HK1: variants seen among roughly 807,000 people sequenced by gnomAD.
HK1 encodes the protein hexokinase 1.
Under a neutral mutation model 91.6 loss-of-function variants are expected in HK1, and 28 were observed. The ratio of observed to expected loss-of-function variants is 0.31; its 90% CI spans 0.23 to 0.42. HK1 has a LOEUF of 0.42. HK1 is among the 10% of genes least tolerant of loss of function. The pLI is 1.00. For missense variants in HK1, 770 were observed against 1,219.8 expected (o/e 0.63, Z 5.49); for synonymous variants, 430 against 468.1 (o/e 0.92, Z 1.05).
chr10:69,277,910 G>A (rs1470866888), intron 1 of HK1, among the ~76,000 whole-genome samples: 2 of 152,268 alleles, frequency 1.3e-5, no homozygotes, highest in East Asian at 1.9e-4. Context: ...GCAGGCGCCT[G>A]TAATCCCAGC....
At chr10:69,387,901 C>T (rs1177604950) in intron 13 of HK1, among the ~76,000 whole-genome samples, 6 of 151,048 alleles carry the variant, frequency 4.0e-5, no homozygotes, top group Non-Finnish European at 5.9e-5. Context: ...TTTTCAAATC[C>T]CATTACACTG....
chr10:69,355,901 A>G lies in HK1; in HGVS notation c.227-3996A>G, dbSNP rs138448729. ...GAGGGAAAGAATAGTCTTTTCAGCAAATGGTGCTGGGACACTGGATATCCA... is the reference window on the plus strand; with the variant it reads ...GAGGGAAAGAATAGTCTTTTCAGCAGATGGTGCTGGGACACTGGATATCCA... On this transcript the variant is annotated intron_variant, in intron 2 of 17. Coordinates refer to ENST00000359426, the MANE Select transcript of HK1 (RefSeq NM_000188.3). Among the ~76,000 whole-genome samples, 487 of 152,310 alleles carry G rather than the reference A, an allele frequency of 3.2e-3. 3 individuals carry two copies. Among genetic ancestry groups the G allele is most frequent in the African/African-American group, 0.011 (468 of 41,578 alleles).
chr10:69,309,041 G>A (rs1005248151), intron 5 of HK1, among the ~76,000 whole-genome samples: 8 of 152,176 alleles, frequency 5.3e-5, no homozygotes, highest in African/African-American at 1.9e-4. Flanking sequence ...TGGCATGGTG[G>A]CTCATGACTG....
intron 9 of HK1, among the ~76,000 whole-genome samples, chr10:69,381,966 G>A (rs1026177526): frequency 3.4e-4 from 51 of 152,224 alleles, no homozygotes; most frequent in African/African-American, 1.2e-3. Flanking sequence ...TGATACTCAT[G>A]TAATAATGAG....
chr10:69,375,720 C>T (rs1007535224), intron 7 of HK1, among the ~76,000 whole-genome samples: 6 of 152,200 alleles, frequency 3.9e-5, no homozygotes, highest in South Asian at 2.1e-4. Flanking sequence ...CTCTGATGTG[C>T]GCCCACCTCT....
At chr10:69,389,991 C>T (rs1042190313) in intron 14 of HK1, among the ~76,000 whole-genome samples, 1 of 152,200 alleles carries the variant, frequency 6.6e-6, no homozygotes, top group Non-Finnish European at 1.5e-5. Context: ...GGAAAGACCC[C>T]AGGGAGTTTC....
At chr10:69,338,801 AAG>A in intron 1 of HK1, 1 of 804,646 alleles carries the variant, frequency 1.2e-6, no homozygotes, top group East Asian at 7.1e-5. Context: ...AGAGAGAGGG[AAG>A]AGGGGAAAAG....
chr10:69,391,573 C>T (rs57985624), intron 14 of HK1, among the ~76,000 whole-genome samples: 9,865 of 152,232 alleles, frequency 0.065, 1,056 homozygotes, highest in African/African-American at 0.22. Context: ...GCCCTGGAGG[C>T]GGAGGTTGCA....
At chr10:69,335,073 C>G (rs1013698462) in intron 1 of HK1, among the ~76,000 whole-genome samples, 2 of 152,134 alleles carry the variant, frequency 1.3e-5, no homozygotes, top group Non-Finnish European at 2.9e-5. Flanking sequence ...AGGGACCCCA[C>G]TAGATCAGGG....
intron 1 of HK1, among the ~76,000 whole-genome samples, chr10:69,342,856 G>T (rs1029759536): frequency 6.6e-6 from 1 of 152,224 alleles, no homozygotes; most frequent in Non-Finnish European, 1.5e-5. Flanking sequence ...CCTAGCTGGT[G>T]CCCAGTGAAT....
At chr10:69,360,374 C>T (rs986611465) in intron 3 of HK1, among the ~76,000 whole-genome samples, 2 of 152,190 alleles carry the variant, frequency 1.3e-5, no homozygotes, top group African/African-American at 2.4e-5. Flanking sequence ...GGTCGGTTCC[C>T]CAGTGCAGGT....
intron 5 of HK1, among the ~76,000 whole-genome samples, chr10:69,303,938 T>C (rs967914468): frequency 1.3e-5 from 2 of 152,174 alleles, no homozygotes; most frequent in Non-Finnish European, 2.9e-5. Flanking sequence ...GATGAAATCA[T>C]AGGGAATTGA....
upstream of HK1, among the ~76,000 whole-genome samples, chr10:69,313,946 T>G (rs561150322): frequency 1.1e-4 from 16 of 152,270 alleles, no homozygotes; most frequent in East Asian, 3.1e-3. Context: ...AGGTCAGGAC[T>G]TTGGGCAAAT....
intron 4 of HK1, among the ~76,000 whole-genome samples, chr10:69,296,709 T>C (rs575795065): frequency 6.6e-6 from 1 of 152,146 alleles, no homozygotes; most frequent in East Asian, 1.9e-4. Flanking sequence ...GAGAGCAGCA[T>C]GTGCCAAAAC....
intron 1 of HK1, among the ~76,000 whole-genome samples, chr10:69,274,924 C>T (rs1263098161): frequency 1.3e-5 from 2 of 151,958 alleles, no homozygotes; most frequent in South Asian, 2.1e-4. Flanking sequence ...CAACCCATGC[C>T]GAGACTCAAC....
At chr10:69,288,517 T>C (rs1309950097) in intron 2 of HK1, among the ~76,000 whole-genome samples, 1 of 152,196 alleles carries the variant, frequency 6.6e-6, no homozygotes, top group Non-Finnish European at 1.5e-5. Flanking sequence ...AGAAACTTTA[T>C]GACATTTTAC....
At chr10:69,289,793 TA>T (rs1321698509) in intron 3 of HK1, among the ~76,000 whole-genome samples, 64 of 105,436 alleles carry the variant, frequency 6.1e-4, no homozygotes, top group East Asian at 3.1e-3. Context: ...TTTTTTTTTT[TA>T]AATTTTAACA....
intron 1 of HK1, among the ~76,000 whole-genome samples, chr10:69,276,713 T>C (rs1279028753): frequency 6.7e-6 from 1 of 150,338 alleles, no homozygotes; most frequent in African/African-American, 2.5e-5. Context: ...ATTAAAATTA[T>C]TTAATTATTA....
intron 1 of HK1, among the ~76,000 whole-genome samples, chr10:69,275,415 A>G (rs185204630): frequency 6.6e-6 from 1 of 151,980 alleles, no homozygotes; most frequent in Non-Finnish European, 1.5e-5. Flanking sequence ...AAATTTGTAC[A>G]TTTGTAATTT....
Sources: gnomAD v4.1 joint callset for allele counts (sites outside exome capture counted in the v4.1 genomes callset) on GRCh38, gnomAD v4.1.1 for gene constraint, MANE v1.5 for transcripts, NCBI Gene and HGNC (gene_info 2026-07-23, HGNC 2026-07-21) for gene names.